Variants in AGBL4 observed in about 807,000 individuals in gnomAD.
The protein encoded by AGBL4 is cytosolic carboxypeptidase 6.
In AGBL4, 58 loss-of-function variants were observed where a neutral mutation model predicts 66.4. The observed-to-expected ratio is 0.87, with a 90% confidence interval of 0.71 to 1.09. The LOEUF (loss-of-function observed/expected upper bound fraction) is 1.09, where lower values mean the gene tolerates loss of function less well. Among genes scored for constraint, AGBL4 ranks in the 50% least tolerant of loss-of-function variants. AGBL4 has a pLI of 0.00. For synonymous variants in AGBL4, 234 were observed against 222.9 expected (o/e 1.05, Z -0.44); for missense variants, 579 against 631.0 (o/e 0.92, Z 0.88).
intron 4 of AGBL4, among the ~76,000 whole-genome samples, chr1:49,125,621 A>G (rs960035392): frequency 6.6e-6 from 1 of 152,218 alleles, no homozygotes; most frequent in South Asian, 2.1e-4. Flanking sequence ...AAAATATTAT[A>G]GAAAATAATA....
chr1:49,069,624 G>A (rs1644559980), intron 4 of AGBL4, among the ~76,000 whole-genome samples: 1 of 151,910 alleles, frequency 6.6e-6, no homozygotes, highest in African/African-American at 2.4e-5. Flanking sequence ...ATGCTGTTTT[G>A]GTTACTGTAG....
intron 5 of AGBL4, among the ~76,000 whole-genome samples, chr1:48,960,291 G>A (rs1451906761): frequency 6.6e-6 from 1 of 152,144 alleles, no homozygotes; most frequent in East Asian, 1.9e-4. Context: ...TACAGAAATG[G>A]GGGAGACTTT....
chr1:48,668,219 A>G (rs1646220222), intron 6 of AGBL4, among the ~76,000 whole-genome samples: 1 of 152,172 alleles, frequency 6.6e-6, no homozygotes, highest in African/African-American at 2.4e-5. Context: ...CAACAGCAGC[A>G]TGGTTGGCTG....
intron 6 of AGBL4, among the ~76,000 whole-genome samples, chr1:48,707,865 G>A (rs1309093097): frequency 2.6e-5 from 4 of 152,144 alleles, no homozygotes; most frequent in Admixed American, 2.6e-4. Flanking sequence ...ATTTGAGTTT[G>A]GGGCCACATT....
chr1:49,976,370 G>A (rs902979373), intron 1 of AGBL4, among the ~76,000 whole-genome samples: 5 of 152,004 alleles, frequency 3.3e-5, no homozygotes, highest in African/African-American at 4.8e-5. Context: ...CACTTTGGGG[G>A]TTAAAATGTA....
chr1:49,601,914 C>A (rs1356751851), intron 3 of AGBL4, among the ~76,000 whole-genome samples: 9 of 152,054 alleles, frequency 5.9e-5, no homozygotes, highest in Non-Finnish European at 2.9e-5. Flanking sequence ...AGTGAACAGG[C>A]AACCTACAGA....
intron 1 of AGBL4, among the ~76,000 whole-genome samples, chr1:49,908,956 A>G (rs780576468): frequency 1.1e-4 from 16 of 152,176 alleles, no homozygotes; most frequent in Non-Finnish European, 2.4e-4. Flanking sequence ...GACAATTGCT[A>G]TTTATACATA....
At chr1:50,004,955 A>G (rs1557654685) in intron 1 of AGBL4, among the ~76,000 whole-genome samples, 1 of 151,982 alleles carries the variant, frequency 6.6e-6, no homozygotes, top group African/African-American at 2.4e-5. Context: ...TACCAAATGG[A>G]CTCTTGGAAT....
At chr1:48,948,839 A>G (rs1181692479) in intron 5 of AGBL4, among the ~76,000 whole-genome samples, 2 of 152,276 alleles carry the variant, frequency 1.3e-5, no homozygotes, top group Non-Finnish European at 2.9e-5. Flanking sequence ...GGTCCTGGTC[A>G]TTGACATAAG....
intron 3 of AGBL4, among the ~76,000 whole-genome samples, chr1:49,275,514 T>C (rs1334210968): frequency 6.6e-6 from 1 of 152,200 alleles, no homozygotes; most frequent in Non-Finnish European, 1.5e-5. Flanking sequence ...CTACACTTTA[T>C]GCAAATAGTC....
intron 13 of AGBL4, 119 bp from the exon 14 acceptor site, chr1:48,534,412 A>T: frequency 7.4e-7 from 1 of 1,344,542 alleles, no homozygotes; most frequent in Non-Finnish European, 9.9e-7. Flanking sequence ...ACAGTAACCT[A>T]GTCTTCTTCC....
chr1:49,743,931 C>A (rs1262449254), intron 2 of AGBL4, among the ~76,000 whole-genome samples: 1 of 150,558 alleles, frequency 6.6e-6, no homozygotes, highest in Non-Finnish European at 1.5e-5. Context: ...GGAGGGATAG[C>A]ATTAGGAGAT....
chr1:48,717,386 CTG>C (rs758368375), intron 6 of AGBL4, among the ~76,000 whole-genome samples: 9 of 152,214 alleles, frequency 5.9e-5, no homozygotes, highest in Non-Finnish European at 1.0e-4. Flanking sequence ...GTCACAGACT[CTG>C]TTTCACTCTG....
chr1:48,870,005 TCCATG>T (rs1648492344), intron 5 of AGBL4, among the ~76,000 whole-genome samples: 2 of 151,938 alleles, frequency 1.3e-5, no homozygotes, highest in Admixed American at 1.3e-4. Context: ...CTTTCAAACC[TCCATG>T]CCTTTGCTTA....
intron 3 of AGBL4, among the ~76,000 whole-genome samples, chr1:49,255,290 G>A (rs935423786): frequency 6.6e-6 from 1 of 152,094 alleles, no homozygotes; most frequent in Non-Finnish European, 1.5e-5. Context: ...CTAATATCCA[G>A]CATCTATAAG....
intron 5 of AGBL4, among the ~76,000 whole-genome samples, chr1:49,041,348 C>T (rs538304701): frequency 3.3e-5 from 5 of 152,230 alleles, no homozygotes; most frequent in Admixed American, 2.0e-4. Flanking sequence ...GCCTTAAAAT[C>T]TCTAGTACCT....
At chr1:49,540,264 C>G (rs1651906357) in intron 3 of AGBL4, among the ~76,000 whole-genome samples, 1 of 152,148 alleles carries the variant, frequency 6.6e-6, no homozygotes, top group Non-Finnish European at 1.5e-5. Context: ...TATATCTTAT[C>G]TTTTTATTCT....
chr1:48,759,827 T>C (rs1644160474), intron 6 of AGBL4, among the ~76,000 whole-genome samples: 1 of 152,242 alleles, frequency 6.6e-6, no homozygotes, highest in Non-Finnish European at 1.5e-5. Context: ...AAAACTCTAA[T>C]CTACTCTAAT....
intron 9 of AGBL4, among the ~76,000 whole-genome samples, chr1:48,597,384 T>C (rs1375030151): frequency 6.6e-6 from 1 of 152,082 alleles, no homozygotes; most frequent in East Asian, 1.9e-4. Flanking sequence ...AAACATCAGA[T>C]AAGCAAGGTA....
Sources: gnomAD v4.1 joint callset for allele counts (sites outside exome capture counted in the v4.1 genomes callset) on GRCh38, gnomAD v4.1.1 for gene constraint, MANE v1.5 for transcripts, NCBI Gene and HGNC (gene_info 2026-07-23, HGNC 2026-07-21) for gene names.